Variants in SLC14A2 observed in about 807,000 individuals in gnomAD.
SLC14A2 encodes urea transporter 2.
SLC14A2 carries 91 observed loss-of-function variants against 104.6 expected under a neutral mutation model. The observed-to-expected ratio is 0.87, with a 90% CI of 0.73 to 1.04. The LOEUF is 1.04. Ranked by LOEUF, SLC14A2 falls within the 50% of genes least tolerant of loss-of-function variation. SLC14A2 has a pLI of 0.00. For synonymous variants in SLC14A2, 476 were observed against 466.4 expected (o/e 1.02, Z -0.27); for missense variants, 1,189 against 1,156.0 (o/e 1.03, Z -0.41).
chr18:45,624,941 G>C (rs2045236117), intron 2 of SLC14A2, 127 bp downstream of exon 2: 2 of 915,190 alleles, frequency 2.2e-6, no homozygotes, highest in African/African-American at 3.3e-5. Context: ...GTCAGTACAT[G>C]GTGACACCCA....
intron 1 of SLC14A2, among the ~76,000 whole-genome samples, chr18:45,388,830 T>C (rs1053336429): frequency 5.9e-5 from 9 of 152,170 alleles, no homozygotes; most frequent in African/African-American, 2.2e-4. Flanking sequence ...AATACGCATT[T>C]GTGAGTGATA....
At chr18:45,275,184 CA>C (rs1438612751) in intron 1 of SLC14A2, among the ~76,000 whole-genome samples, 1 of 151,810 alleles carries the variant, frequency 6.6e-6, no homozygotes. Flanking sequence ...TATTATTCGA[CA>C]AAAATGAGTA....
chr18:45,379,695 G>A (rs183303307), intron 1 of SLC14A2, among the ~76,000 whole-genome samples: 51 of 152,308 alleles, frequency 3.3e-4, no homozygotes, highest in Non-Finnish European at 3.5e-4. Context: ...CTGAATCACT[G>A]TTAACTCACA....
At chr18:45,665,063 T>A (rs1472705782) in intron 11 of SLC14A2, among the ~76,000 whole-genome samples, 1 of 152,170 alleles carries the variant, frequency 6.6e-6, no homozygotes, top group Non-Finnish European at 1.5e-5. Context: ...CTTCCTACTC[T>A]TCCTTTCAAA....
At chr18:45,294,738 T>C (rs1205193356) in intron 1 of SLC14A2, among the ~76,000 whole-genome samples, 1 of 152,224 alleles carries the variant, frequency 6.6e-6, no homozygotes, top group Non-Finnish European at 1.5e-5. Flanking sequence ...AGTGGCATCT[T>C]ACAAACCTGG....
chr18:45,438,324 C>T (rs965873818), intron 1 of SLC14A2: 1 of 152,126 alleles, frequency 6.6e-6, no homozygotes, highest in African/African-American at 2.4e-5. Context: ...CTCTTCTATT[C>T]CTATTGCAAC....
At chr18:45,534,433 T>G (rs1386840110) in intron 2 of SLC14A2, among the ~76,000 whole-genome samples, 2 of 152,192 alleles carry the variant, frequency 1.3e-5, no homozygotes, top group Non-Finnish European at 2.9e-5. Flanking sequence ...GAAAAAGAGC[T>G]AAAACCAGCT....
At chr18:45,227,609 C>T (rs1435082779) in intron 1 of SLC14A2, among the ~76,000 whole-genome samples, 1 of 152,228 alleles carries the variant, frequency 6.6e-6, no homozygotes, top group Non-Finnish European at 1.5e-5. Flanking sequence ...AAAGGCCCCA[C>T]CTTTTAATAC....
At chr18:45,527,972 C>G (rs2043620999) in intron 2 of SLC14A2, 1 of 152,110 alleles carries the variant, frequency 6.6e-6, no homozygotes, top group African/African-American at 2.4e-5. Context: ...GCAGAAAACT[C>G]TGTGTGTGTA....
chr18:45,188,448 T>A, the SLC14A2 span, among the ~76,000 whole-genome samples: 1 of 152,184 alleles, frequency 6.6e-6, no homozygotes, highest in Non-Finnish European at 1.5e-5. Flanking sequence ...TTTGATAACC[T>A]ACCTGCAAGA....
chr18:45,448,037 C>G (rs2086797959), intron 1 of SLC14A2, among the ~76,000 whole-genome samples: 1 of 152,180 alleles, frequency 6.6e-6, no homozygotes, highest in South Asian at 2.1e-4. Context: ...GAGTATGGCT[C>G]AAGTGTGTTA....
chr18:45,679,682 A>C (rs1049460789), intron 19 of SLC14A2, among the ~76,000 whole-genome samples: 1 of 152,174 alleles, frequency 6.6e-6, no homozygotes, highest in South Asian at 2.1e-4. Context: ...TCCTGCAGAT[A>C]AGGAGGGAGT....
At chr18:45,311,984 A>G (rs937429768) in intron 1 of SLC14A2, among the ~76,000 whole-genome samples, 3 of 152,230 alleles carry the variant, frequency 2.0e-5, no homozygotes, top group African/African-American at 4.8e-5. Context: ...AGTCATGGAT[A>G]CCTTCAAGTG....
chr18:45,299,767 G>A (rs927602006), intron 1 of SLC14A2, among the ~76,000 whole-genome samples: 8 of 152,146 alleles, frequency 5.3e-5, no homozygotes, highest in South Asian at 2.1e-4. Flanking sequence ...CGGCACATCC[G>A]TCTTACTTTA....
At chr18:45,449,291 G>A (rs2086821106) in intron 1 of SLC14A2, among the ~76,000 whole-genome samples, 1 of 152,158 alleles carries the variant, frequency 6.6e-6, no homozygotes, top group East Asian at 1.9e-4. Flanking sequence ...TTAGTGGAGG[G>A]TGAGGGGCAA....
intron 1 of SLC14A2, among the ~76,000 whole-genome samples, chr18:45,347,722 TC>T (rs2085463724): frequency 6.6e-6 from 1 of 152,222 alleles, no homozygotes; most frequent in African/African-American, 2.4e-5. Context: ...TTTCTCTTTT[TC>T]TTTGATCTCC....
At chr18:45,555,366 GT>G (rs2044117595) in intron 2 of SLC14A2, among the ~76,000 whole-genome samples, 3 of 152,178 alleles carry the variant, frequency 2.0e-5, no homozygotes, top group Non-Finnish European at 4.4e-5. Context: ...TGGTATAAAA[GT>G]GATACACACT....
At chr18:45,284,597 T>C (rs1049171472) in intron 1 of SLC14A2, among the ~76,000 whole-genome samples, 2 of 152,196 alleles carry the variant, frequency 1.3e-5, no homozygotes, top group African/African-American at 4.8e-5. Context: ...CCTGCTGTTT[T>C]CATTGCAGTC....
intron 10 of SLC14A2, chr18:45,647,302 A>C (rs972245609): frequency 2.6e-5 from 4 of 152,202 alleles, no homozygotes; most frequent in African/African-American, 9.7e-5. Context: ...GTGGCCATAG[A>C]GTTACTTATA....
Sources: gnomAD v4.1 joint callset for allele counts (sites outside exome capture counted in the v4.1 genomes callset) on GRCh38, gnomAD v4.1.1 for gene constraint, MANE v1.5 for transcripts, NCBI Gene and HGNC (gene_info 2026-07-23, HGNC 2026-07-21) for gene names.